Variants in PIP4K2A observed in about 807,000 individuals in gnomAD.
The protein encoded by PIP4K2A is phosphatidylinositol-5-phosphate 4-kinase type 2 alpha, also known as phosphatidylinositol 5-phosphate 4-kinase type-2 alpha.
A neutral mutation model predicts 42.9 loss-of-function variants in PIP4K2A; 14 were observed. The observed-to-expected ratio is 0.33, with a 90% confidence interval of 0.22 to 0.51. The LOEUF is 0.51. PIP4K2A is among the 20% of genes least tolerant of loss of function. The probability of loss-of-function intolerance (pLI) is 0.97; values close to 1 mark genes in which losing one functional copy is unlikely to be tolerated. For missense variants in PIP4K2A, 434 were observed against 519.8 expected (o/e 0.83, Z 1.61); for synonymous variants, 192 against 192.2 (o/e 1.00, Z 0.01).
chr10:22,560,376 G>T (rs554634182), intron 6 of PIP4K2A, among the ~76,000 whole-genome samples: 1 of 152,198 alleles, frequency 6.6e-6, no homozygotes, highest in Admixed American at 6.5e-5. Flanking sequence ...CAGCCCAGAT[G>T]ACCAGATAGG....
At chr10:22,673,650 A>T (rs1839498126) in intron 1 of PIP4K2A, among the ~76,000 whole-genome samples, 1 of 152,184 alleles carries the variant, frequency 6.6e-6, no homozygotes. Context: ...AAAATAAAAA[A>T]TAAAAAAAAT....
chr10:22,572,995 T>A (rs1483653609), intron 5 of PIP4K2A, among the ~76,000 whole-genome samples: 2 of 152,240 alleles, frequency 1.3e-5, no homozygotes, highest in African/African-American at 4.8e-5. Flanking sequence ...ACTTACTGCC[T>A]GTCTTTACCC....
intron 6 of PIP4K2A, among the ~76,000 whole-genome samples, chr10:22,557,414 C>T (rs1472424020): frequency 6.6e-6 from 1 of 152,154 alleles, no homozygotes; most frequent in Admixed American, 6.5e-5. Context: ...ATCTCTAAAA[C>T]CAAAACCAAA....
chr10:22,710,956 T>G (rs748367844), intron 1 of PIP4K2A, among the ~76,000 whole-genome samples: 1 of 152,232 alleles, frequency 6.6e-6, no homozygotes, highest in Non-Finnish European at 1.5e-5. Flanking sequence ...GCTCATATCA[T>G]TCAACATCCT....
intron 1 of PIP4K2A, among the ~76,000 whole-genome samples, chr10:22,620,836 A>C (rs1449895087): frequency 6.6e-6 from 1 of 152,240 alleles, no homozygotes; most frequent in African/African-American, 2.4e-5. Context: ...ACAAATTCAA[A>C]TGAATCACAA....
intron 1 of PIP4K2A, among the ~76,000 whole-genome samples, chr10:22,692,027 A>G (rs1839881325): frequency 6.6e-6 from 1 of 152,112 alleles, no homozygotes; most frequent in Non-Finnish European, 1.5e-5. Flanking sequence ...ACTCAAGACC[A>G]TTACCTTTAT....
chr10:22,587,723 C>G (rs1291961618), intron 4 of PIP4K2A, among the ~76,000 whole-genome samples: 1 of 152,176 alleles, frequency 6.6e-6, no homozygotes, highest in Non-Finnish European at 1.5e-5. Context: ...ACAAGAAGAA[C>G]AGCCTGAAGA....
chr10:22,705,566 G>A (rs1006691532), intron 1 of PIP4K2A, among the ~76,000 whole-genome samples: 1 of 150,990 alleles, frequency 6.6e-6, no homozygotes, highest in African/African-American at 2.4e-5. Context: ...CAGCCCCTGA[G>A]GCACATCTAA....
At position 22,573,814 on chromosome 10, in the gene PIP4K2A, C is replaced by G. The variant is rs183425219; in HGVS notation, c.493-357G>C. Reference sequence around the variant, plus strand: ...CACCTAGCGCCTCTGTCTTCTACCCCCAAAGCCCTGACTACAAGGCTGAGG... The same window carrying G: ...CACCTAGCGCCTCTGTCTTCTACCCGCAAAGCCCTGACTACAAGGCTGAGG... On this transcript the variant is annotated intron_variant, in intron 4 of 9. Transcript: ENST00000376573. 7.9e-5 allele frequency among the ~76,000 whole-genome samples: 12 copies of G among 152,342 alleles called. No individual in the cohort carries two copies. In the East Asian group the frequency reaches 1.2e-3, roughly 15 times the overall value.
chr10:22,656,322 G>A (rs1445168948), intron 1 of PIP4K2A, among the ~76,000 whole-genome samples: 1 of 152,104 alleles, frequency 6.6e-6, no homozygotes, highest in Non-Finnish European at 1.5e-5. Context: ...GGGGAACTGT[G>A]CCTAAAAAAA....
At chr10:22,566,869 A>G (rs1179190898) in intron 6 of PIP4K2A, among the ~76,000 whole-genome samples, 3 of 152,134 alleles carry the variant, frequency 2.0e-5, no homozygotes, top group Non-Finnish European at 4.4e-5. Flanking sequence ...ATGATAACAT[A>G]ATTTTCTATT....
rs759762848 is a variant in PIP4K2A at position 22,550,643 on chromosome 10, C to A, written c.792+16G>T. On this transcript the variant is annotated intron_variant, in intron 7 of 9. Coordinates refer to ENST00000376573, the MANE Select transcript of PIP4K2A (RefSeq NM_005028.5). ...ATTTATACAATGAGTCTGGCCTCTC[C>A]ACTGACTGTTCTTACCTCAACATCC... 14 of 1,277,746 alleles carry A rather than the reference C, an allele frequency of 1.1e-5. No individual in the cohort carries two copies. The East Asian group carries it at 2.8e-4, about 25-fold the overall frequency. The allele number at this position is 1,277,746 out of a possible 1,614,324, so 79.2% of individuals were successfully genotyped here.
chr10:22,649,999 T>C (rs1369611917), intron 1 of PIP4K2A, among the ~76,000 whole-genome samples: 1 of 152,180 alleles, frequency 6.6e-6, no homozygotes, highest in Non-Finnish European at 1.5e-5. Context: ...GCCTTCCTCA[T>C]TAGTCCATCA....
intron 7 of PIP4K2A, among the ~76,000 whole-genome samples, chr10:22,547,198 A>G (rs1277626528): frequency 6.6e-6 from 1 of 152,228 alleles, no homozygotes; most frequent in Non-Finnish European, 1.5e-5. Flanking sequence ...CATATCTGTG[A>G]AGTAGAATTA....
intron 4 of PIP4K2A, among the ~76,000 whole-genome samples, chr10:22,573,797 G>A (rs567621372): frequency 3.0e-4 from 46 of 152,326 alleles, no homozygotes; most frequent in South Asian, 6.2e-4. Context: ...TCCACCTAGC[G>A]CCTCTGTCTT....
rs57671642 is a variant in PIP4K2A, at chr10:22,627,591, T to TAAAAAAAAAAAAAAAAAAAA, written c.145-17894_145-17875dup. Among the ~76,000 whole-genome samples, 53 of 57,030 alleles carry TAAAAAAAAAAAAAAAAAAAA rather than the reference T, an allele frequency of 9.3e-4. 9 individuals are homozygous for TAAAAAAAAAAAAAAAAAAAA. The highest frequency in any genetic ancestry group is 1.2e-3 in the Non-Finnish European group (38 of 31,828). 37.4% of individuals were successfully genotyped at this position (57,030 alleles called of 152,430 possible). A position where few individuals can be genotyped will look rare whatever the true frequency, so the allele number is the denominator to read the frequency against. On this transcript the variant is annotated intron_variant, in intron 1 of 9. Coordinates refer to ENST00000376573, the MANE Select transcript of PIP4K2A (RefSeq NM_005028.5). ...TGTTTAACCAAAAGCTAATATGTAA[T>TAAAAAAAAAAAAAAAAAAAA]AAAAAAAAAAAAAAAAAAAAAAAAA...
At chr10:22,665,094 C>T (rs1454217096) in intron 1 of PIP4K2A, among the ~76,000 whole-genome samples, 3 of 152,094 alleles carry the variant, frequency 2.0e-5, no homozygotes, top group African/African-American at 7.2e-5. Flanking sequence ...CATTCATATA[C>T]AAACACACAC....
chr10:22,639,364 A>C (rs1838732004), intron 1 of PIP4K2A, among the ~76,000 whole-genome samples: 1 of 151,970 alleles, frequency 6.6e-6, no homozygotes, highest in East Asian at 1.9e-4. Context: ...GAAGCTAAAA[A>C]AAAAAAAAAG....
intron 5 of PIP4K2A, among the ~76,000 whole-genome samples, chr10:22,572,496 T>C (rs777767859): frequency 6.6e-6 from 1 of 151,982 alleles, no homozygotes; most frequent in Non-Finnish European, 1.5e-5. Context: ...TGCGTGCCTG[T>C]GGTCCCAGCT....
Sources: allele counts gnomAD v4.1 joint callset (sites outside exome capture counted in the v4.1 genomes callset), GRCh38; gene constraint gnomAD v4.1.1; transcripts MANE v1.5; gene names NCBI Gene and HGNC (gene_info 2026-07-23, HGNC 2026-07-21).